Variants in ARHGEF33 observed in about 807,000 individuals in gnomAD.
ARHGEF33 encodes the protein Rho guanine nucleotide exchange factor 33, also known as DH and coiled-coil domain-containing protein ENSP00000381780.
Under a neutral mutation model 101.9 loss-of-function variants are expected in ARHGEF33, and 72 were observed. That is an observed-to-expected ratio of 0.71 (90% confidence interval 0.58 to 0.86). The LOEUF is 0.86. ARHGEF33 is among the 40% of genes least tolerant of loss of function. The pLI is 0.00. For synonymous variants in ARHGEF33, 499 were observed against 442.5 expected (o/e 1.13, Z -1.60); for missense variants, 1,169 against 1,111.3 (o/e 1.05, Z -0.74).
At chr2:38,924,761 A>T (rs934347649) in intron 4 of ARHGEF33, among the ~76,000 whole-genome samples, 13 of 152,222 alleles carry the variant, frequency 8.5e-5, no homozygotes, top group Non-Finnish European at 1.5e-4. Context: ...ATAGTTACTA[A>T]TTAGTTGAAT....
chr2:38,965,065 C>T (rs551095161), intron 16 of ARHGEF33, among the ~76,000 whole-genome samples: 1 of 152,064 alleles, frequency 6.6e-6, no homozygotes, highest in Non-Finnish European at 1.5e-5. Flanking sequence ...AAAAAAAATC[C>T]ACCCTAACAC....
intron 9 of ARHGEF33, among the ~76,000 whole-genome samples, chr2:38,942,319 A>G (rs1667332253): frequency 6.6e-6 from 1 of 151,660 alleles, no homozygotes; most frequent in Non-Finnish European, 1.5e-5. Context: ...GGTGCACACC[A>G]CTATGCCCAG....
chr2:38,911,507 G>A (rs1483982080), intron 2 of ARHGEF33, among the ~76,000 whole-genome samples: 3 of 152,214 alleles, frequency 2.0e-5, no homozygotes, highest in African/African-American at 7.2e-5. Context: ...TATATGGGGA[G>A]GAGGGTACAC....
At chr2:38,917,165 C>T (rs1666653094) in intron 2 of ARHGEF33, among the ~76,000 whole-genome samples, 1 of 141,348 alleles carries the variant, frequency 7.1e-6, no homozygotes, top group Non-Finnish European at 1.5e-5. Flanking sequence ...GATCTCAGCT[C>T]ACTGCAACCT....
In ARHGEF33 at chr2:38,928,899, T is replaced by C. The variant is rs1483709510; in HGVS notation, c.76-8T>C. On this transcript the variant is annotated splice_region_variant and splice_polypyrimidine_tract_variant and intron_variant, in intron 4 of 17. Transcript: ENST00000409978. The stretch of plus-strand genomic sequence containing the variant: ...GCAAATTGAATTAACTTTTCATGCA[T>C]TATTTAGTTGCAGGCCCTAGCCTCC... 6.5e-7 allele frequency: 1 copy of C among 1,541,892 alleles called. No individual in the cohort carries two copies. The highest frequency in any genetic ancestry group is 1.4e-5 in the African/African-American group (1 of 72,540).
chr2:38,911,665 A>G (rs1666512740), intron 2 of ARHGEF33, among the ~76,000 whole-genome samples: 1 of 152,154 alleles, frequency 6.6e-6, no homozygotes. Flanking sequence ...ATTTCTCTAT[A>G]TCAATAATTT....
Position 38,908,028 on chromosome 2 carries a change from GA to G in ARHGEF33, c.-85-11324del, listed in dbSNP as rs879518191. Among the ~76,000 whole-genome samples the G allele has an allele frequency of 4.3e-3, 615 of 142,898 alleles. 3 individuals are homozygous for G. Among genetic ancestry groups the G allele is most frequent in the Middle Eastern group, 0.014 (4 of 278 alleles). The allele number at this position is 142,898 out of a possible 152,430, so 93.7% of individuals were successfully genotyped here. ...TGCATGCCAACATGCCTGGCTAATT[GA>G]AAAAAAAAAACTTTTTGTAAAGATA... On this transcript the variant is annotated intron_variant, in intron 2 of 17. Transcript: ENST00000409978.
At chr2:38,954,285 C>A in intron 12 of ARHGEF33, 88 bp from the exon 13 acceptor site, 1 of 758,282 alleles carries the variant, frequency 1.3e-6, no homozygotes. Flanking sequence ...TGGGAGGAAA[C>A]CCTTCCTACC....
intron 2 of ARHGEF33, among the ~76,000 whole-genome samples, chr2:38,913,770 G>C (rs1228265247): frequency 7.6e-6 from 1 of 131,886 alleles, no homozygotes. Flanking sequence ...CTCTGTCTCA[G>C]AAAAAAAAAA....
intron 16 of ARHGEF33, among the ~76,000 whole-genome samples, chr2:38,961,019 T>G (rs1667922498): frequency 6.6e-6 from 1 of 152,146 alleles, no homozygotes; most frequent in Non-Finnish European, 1.5e-5. Flanking sequence ...TGTGAAGAGT[T>G]GCACTTTTTT....
At chr2:38,911,517 C>A (rs558560362) in intron 2 of ARHGEF33, among the ~76,000 whole-genome samples, 2 of 152,106 alleles carry the variant, frequency 1.3e-5, no homozygotes, top group Non-Finnish European at 1.5e-5. Flanking sequence ...GGAGGGTACA[C>A]GTTCTAGGTC....
intron 1 of ARHGEF33, among the ~76,000 whole-genome samples, chr2:38,890,741 G>A (rs1665978949): frequency 6.6e-6 from 1 of 152,024 alleles, no homozygotes; most frequent in Admixed American, 6.6e-5. Context: ...AAATCATATT[G>A]CTGTAAATGG....
chr2:38,915,203 G>C (rs1666604806), intron 2 of ARHGEF33, among the ~76,000 whole-genome samples: 1 of 151,938 alleles, frequency 6.6e-6, no homozygotes, highest in South Asian at 2.1e-4. Flanking sequence ...ATATAGGTGG[G>C]AAAGGTAGTT....
rs1430368696 is a variant in ARHGEF33 at position 38,937,528 on chromosome 2, G to A, written c.759G>A (p.Leu253=). 1 of 1,549,354 alleles carries A rather than the reference G, an allele frequency of 6.5e-7. No homozygotes were observed. Among genetic ancestry groups the A allele is most frequent in the East Asian group, 2.4e-5 (1 of 40,902 alleles). ...KEAGQGRHSS[L]ENVLCETSLA... is the part of the protein sequence containing the mutation. ...CTGGCCAGGGTAGACACAGCTCCTTGGAAAACGTTTTATGTGAAACCTCCT... is the reference window on the plus strand; with the variant it reads ...CTGGCCAGGGTAGACACAGCTCCTTAGAAAACGTTTTATGTGAAACCTCCT... The change falls in exon 9 of 18, where the codon TTG becomes TTA. Residue 253 remains leucine, a synonymous_variant. Coordinates refer to ENST00000409978, the MANE Select transcript of ARHGEF33 (RefSeq NM_001145451.5).
chr2:38,939,542 A>G (rs1193905244), intron 9 of ARHGEF33, among the ~76,000 whole-genome samples: 1 of 152,238 alleles, frequency 6.6e-6, no homozygotes, highest in African/African-American at 2.4e-5. Flanking sequence ...GTGTACTGGT[A>G]TCACACTGTA....
chr2:38,956,369 T>A (rs772441232), intron 13 of ARHGEF33, among the ~76,000 whole-genome samples: 5 of 152,200 alleles, frequency 3.3e-5, no homozygotes, highest in Non-Finnish European at 4.4e-5. Context: ...TTAAATGAGA[T>A]AATATACATA....
chr2:38,957,742 C>T (rs1205008788), intron 14 of ARHGEF33, among the ~76,000 whole-genome samples: 2 of 152,128 alleles, frequency 1.3e-5, no homozygotes, highest in Non-Finnish European at 2.9e-5. Flanking sequence ...GTGGAAGCCG[C>T]AGACCAGAAA....
chr2:38,960,314 A>C lies in ARHGEF33; in HGVS notation c.2009A>C (p.Glu670Ala), dbSNP rs1219187450. The C allele has an allele frequency of 3.2e-6, 5 of 1,543,384 alleles. No homozygotes were observed. The highest frequency in any genetic ancestry group is 2.0e-5 in the Admixed American group (1 of 50,908). Residue 670 changes from glutamate to alanine, a missense_variant, in exon 16 of 18, where the codon GAG becomes GCG. Transcript: ENST00000409978. ...VSFAMEAERP[E>A]HPLQPLPKSA... The stretch of plus-strand genomic sequence containing the variant: ...TTCGCCATGGAGGCCGAGCGGCCGG[A>C]GCACCCGCTGCAGCCGCTGCCCAAG...
At chr2:38,908,694 C>T (rs1414800100) in intron 2 of ARHGEF33, among the ~76,000 whole-genome samples, 1 of 152,192 alleles carries the variant, frequency 6.6e-6, no homozygotes, top group East Asian at 1.9e-4. Context: ...CTCCTGTTCT[C>T]ACTGGCTCTG....
Sources: gnomAD v4.1 joint callset for allele counts (sites outside exome capture counted in the v4.1 genomes callset) on GRCh38, gnomAD v4.1.1 for gene constraint, MANE v1.5 for transcripts, NCBI Gene and HGNC (gene_info 2026-07-23, HGNC 2026-07-21) for gene names.